PSMD1: variants seen among roughly 807,000 people sequenced by gnomAD.
PSMD1 encodes 26S proteasome non-ATPase regulatory subunit 1.
PSMD1 carries 18 observed loss-of-function variants against 119.0 expected under a neutral mutation model. That is an observed-to-expected ratio of 0.15 (90% confidence interval 0.10 to 0.22). PSMD1 has a LOEUF of 0.22. Ranked by LOEUF, PSMD1 falls within the 10% of genes least tolerant of loss-of-function variation. PSMD1 has a pLI of 1.00. For missense variants in PSMD1, 702 were observed against 1,158.5 expected (o/e 0.61, Z 5.72); for synonymous variants, 374 against 396.6 (o/e 0.94, Z 0.68).
At chr2:231,122,460 G>A (rs982714147) in intron 16 of PSMD1, among the ~76,000 whole-genome samples, 5 of 152,016 alleles carry the variant, frequency 3.3e-5, no homozygotes, top group Non-Finnish European at 7.4e-5. Flanking sequence ...ATAATTCTAA[G>A]AAACTATATC....
intron 16 of PSMD1, among the ~76,000 whole-genome samples, chr2:231,095,438 T>C (rs1694700282): frequency 6.6e-6 from 1 of 152,244 alleles, no homozygotes. Flanking sequence ...CTTAGCTGTG[T>C]ATTCTTTATG....
At chr2:231,057,184 C>T (rs986493250) in intron 1 of PSMD1, 143 bp downstream of exon 1, 6 of 1,066,490 alleles carry the variant, frequency 5.6e-6, no homozygotes, top group African/African-American at 3.4e-5. Context: ...ACCCCCGGGC[C>T]GGGGGGCTGG....
At chr2:231,058,155 A>G (rs1440516755) in intron 1 of PSMD1, among the ~76,000 whole-genome samples, 1 of 152,228 alleles carries the variant, frequency 6.6e-6, no homozygotes, top group Non-Finnish European at 1.5e-5. Flanking sequence ...TTAGTTCAGT[A>G]TCAGGAAGTT....
intron 16 of PSMD1, among the ~76,000 whole-genome samples, chr2:231,095,297 C>T (rs1694698076): frequency 6.6e-6 from 1 of 152,142 alleles, no homozygotes; most frequent in South Asian, 2.1e-4. Flanking sequence ...TTTTGATAAT[C>T]ATTTAAGGTG....
intron 14 of PSMD1, 121 bp from the exon 15 acceptor site, chr2:231,084,898 A>G: frequency 1.4e-6 from 1 of 717,578 alleles, no homozygotes; most frequent in Non-Finnish European, 2.4e-6. Flanking sequence ...CAAAAGAGTT[A>G]TTGAGCTCAT....
At chr2:231,123,705 C>T in intron 16 of PSMD1, 2 of 1,614,096 alleles carry the variant, frequency 1.2e-6, no homozygotes, top group Non-Finnish European at 8.5e-7. Context: ...CAAAGGTGCT[C>T]TGCAAAATGT....
At chr2:231,094,458 A>G (rs1193370248) in intron 16 of PSMD1, among the ~76,000 whole-genome samples, 1 of 152,180 alleles carries the variant, frequency 6.6e-6, no homozygotes, top group Non-Finnish European at 1.5e-5. Flanking sequence ...AAAAGTGCAC[A>G]CAGGGTGGGC....
intron 16 of PSMD1, among the ~76,000 whole-genome samples, chr2:231,131,921 C>T (rs1176671612): frequency 2.0e-5 from 3 of 152,086 alleles, no homozygotes; most frequent in African/African-American, 7.2e-5. Flanking sequence ...CATTTCTTGT[C>T]TTAACACTTG....
chr2:231,110,191 G>A (rs543818809), intron 16 of PSMD1, among the ~76,000 whole-genome samples: 5 of 152,110 alleles, frequency 3.3e-5, no homozygotes, highest in East Asian at 1.9e-4. Context: ...ATGGTGGCAC[G>A]CGCCTGTACT....
At chr2:231,138,649 T>C (rs1696030380) in intron 16 of PSMD1, 87 bp from the exon 17 acceptor site, 2 of 968,844 alleles carry the variant, frequency 2.1e-6, no homozygotes, top group East Asian at 4.8e-5. Context: ...CCTATAACTT[T>C]TTCAAAAACA....
intron 1 of PSMD1, among the ~76,000 whole-genome samples, chr2:231,058,627 ACC>A (rs1262352364): frequency 2.0e-5 from 3 of 151,694 alleles, no homozygotes; most frequent in Admixed American, 2.0e-4. Context: ...AAGGTTGGAC[ACC>A]CCTGGCATAC....
chr2:231,063,067 A>G (rs577092316), intron 4 of PSMD1, among the ~76,000 whole-genome samples: 167 of 152,364 alleles, frequency 1.1e-3, no homozygotes, highest in African/African-American at 3.4e-3. Context: ...GGAAGGAGCT[A>G]GCCGTTTTAC....
At position 231,117,196 on chromosome 2, in the gene PSMD1, T is replaced by C. The variant is rs376875520; in HGVS notation, c.1884-21540T>C. Among the ~76,000 whole-genome samples the C allele has an allele frequency of 8.7e-4, 133 of 152,218 alleles. 1 individual carries two copies. Among genetic ancestry groups the C allele is most frequent in the African/African-American group, 3.0e-3 (123 of 41,588 alleles). ...AGGTTAAGTTGGTATGGTGAAATAC[T>C]TTATTTCAAAACGTTTATTTTAGGA... On this transcript the variant is annotated intron_variant, in intron 16 of 24. Coordinates refer to ENST00000308696, the MANE Select transcript of PSMD1 (RefSeq NM_002807.4).
intron 19 of PSMD1, among the ~76,000 whole-genome samples, chr2:231,157,435 T>C (rs570820167): frequency 1.1e-3 from 173 of 150,936 alleles, no homozygotes; most frequent in African/African-American, 4.1e-3. Flanking sequence ...TTTTTCTTTT[T>C]TTTTTTTTTT....
chr2:231,135,221 A>G (rs917525849), intron 16 of PSMD1, among the ~76,000 whole-genome samples: 2 of 152,224 alleles, frequency 1.3e-5, no homozygotes, highest in Non-Finnish European at 1.5e-5. Context: ...TAACTTTTCA[A>G]TAGCCTCTTT....
intron 16 of PSMD1, among the ~76,000 whole-genome samples, chr2:231,092,484 G>A (rs1694619579): frequency 6.6e-6 from 1 of 152,186 alleles, no homozygotes. Context: ...CCCATACCAG[G>A]TGTAAAGGGA....
chr2:231,168,960 T>A (rs1467783288), intron 23 of PSMD1, among the ~76,000 whole-genome samples: 1 of 152,324 alleles, frequency 6.6e-6, no homozygotes, highest in East Asian at 1.9e-4. Flanking sequence ...CTGTCCACCA[T>A]GAGGCAAGAG....
chr2:231,162,797 A>G (rs1184225027), intron 20 of PSMD1, among the ~76,000 whole-genome samples: 1 of 150,868 alleles, frequency 6.6e-6, no homozygotes, highest in Non-Finnish European at 1.5e-5. Flanking sequence ...ACTGCACTCC[A>G]GTCTGAGCAA....
intron 2 of PSMD1, 61 bp downstream of exon 2, chr2:231,061,371 A>C: frequency 7.5e-7 from 1 of 1,333,384 alleles, no homozygotes. Context: ...TTTTGAATTT[A>C]GTGATATCTG....
Sources: allele counts gnomAD v4.1 joint callset (sites outside exome capture counted in the v4.1 genomes callset), GRCh38; gene constraint gnomAD v4.1.1; transcripts MANE v1.5; gene names NCBI Gene and HGNC (gene_info 2026-07-23, HGNC 2026-07-21).